Variants in POLR2B observed in about 807,000 individuals in gnomAD.
POLR2B encodes DNA-directed RNA polymerase II subunit RPB2.
POLR2B carries 57 observed loss-of-function variants against 144.6 expected under a neutral mutation model. The ratio of observed to expected loss-of-function variants is 0.39; its 90% CI spans 0.32 to 0.49. The LOEUF (loss-of-function observed/expected upper bound fraction) is 0.49, where lower values mean the gene tolerates loss of function less well. Among genes scored for constraint, POLR2B ranks in the 20% least tolerant of loss-of-function variants. The probability of loss-of-function intolerance (pLI) is 0.83; values close to 1 mark genes in which losing one functional copy is unlikely to be tolerated. For missense variants in POLR2B, 595 were observed against 1,467.4 expected (o/e 0.41, Z 9.71); for synonymous variants, 442 against 469.8 (o/e 0.94, Z 0.77).
intron 1 of POLR2B, among the ~76,000 whole-genome samples, chr4:56,981,316 C>T (rs1316427539): frequency 6.6e-6 from 1 of 151,564 alleles, no homozygotes; most frequent in African/African-American, 2.4e-5. Context: ...TAAGTAGTCT[C>T]TTGATGGATA....
At chr4:57,005,571 T>A in intron 8 of POLR2B, 29 bp from the exon 9 acceptor site, 1 of 1,513,370 alleles carries the variant, frequency 6.6e-7, no homozygotes. Context: ...GTTTTCCCTC[T>A]TTCTTTCTTT....
At position 57,022,393 on chromosome 4, in the gene POLR2B, T is replaced by A. The variant is rs1380071475; in HGVS notation, c.2515+147T>A. The A allele has an allele frequency of 6.5e-6, 4 of 619,864 alleles. 1 individual carries two copies. Among genetic ancestry groups the A allele is most frequent in the South Asian group, 4.0e-5 (2 of 49,988 alleles). 38.4% of individuals were successfully genotyped at this position (619,864 alleles called of 1,614,324 possible). On this transcript the variant is annotated intron_variant, in intron 18 of 24. Transcript: ENST00000314595. ...CAATGAAAGTGTGTTTTCATGTTAT[T>A]CTTAGAGTTCACATCTAAGAAAACA...
intron 3 of POLR2B, among the ~76,000 whole-genome samples, chr4:56,993,652 T>A (rs1722590466): frequency 6.6e-6 from 1 of 152,206 alleles, no homozygotes. Flanking sequence ...ATTGAAAAAT[T>A]TCTTTTTTTT....
chr4:57,001,611 T>C (rs1716618206), intron 7 of POLR2B, among the ~76,000 whole-genome samples: 1 of 152,236 alleles, frequency 6.6e-6, no homozygotes, highest in African/African-American at 2.4e-5. Flanking sequence ...TTAAGTAATA[T>C]TATATGCTTC....
chr4:56,995,521 ATATCG>A, intron 6 of POLR2B, 112 bp downstream of exon 6: 1 of 684,676 alleles, frequency 1.5e-6, no homozygotes, highest in Non-Finnish European at 2.4e-6. Flanking sequence ...TTGTTGTTAT[ATATCG>A]TATTGTTTAC....
rs1404402597 is a variant in POLR2B at position 57,015,632 on chromosome 4, AAGAG to A, written c.1937_1940del (p.Arg646AsnfsTer15). 2.0e-6 allele frequency: 3 copies of A among 1,476,768 alleles called. No individual in the cohort carries two copies. Among genetic ancestry groups the A allele is most frequent in the Non-Finnish European group, 2.7e-6 (3 of 1,100,036 alleles). 91.5% of individuals were successfully genotyped at this position (1,476,768 alleles called of 1,614,324 possible). ...AAGAAGAGGCATATTGACCAATTGA[AAGAG>A]AGAGAATATAACAACTATAGGTAAA... On this transcript the variant is annotated frameshift_variant, in exon 14 of 25. Coordinates refer to ENST00000314595, the MANE Select transcript of POLR2B (RefSeq NM_000938.3). LOFTEE classifies it high-confidence loss of function.
At chr4:56,992,464 CAAAAAAAAAAA>C (rs1209234628) in intron 3 of POLR2B, among the ~76,000 whole-genome samples, 2 of 17,140 alleles carry the variant, frequency 1.2e-4, no homozygotes, top group Non-Finnish European at 1.8e-4. Flanking sequence ...GACTCTGTCT[CAAAAAAAAAAA>C]AAAAAAAAAA....
chr4:57,008,607 A>T (rs912528526), intron 10 of POLR2B, among the ~76,000 whole-genome samples: 4 of 152,204 alleles, frequency 2.6e-5, no homozygotes, highest in African/African-American at 9.6e-5. Context: ...ATGCTTGTAG[A>T]TGTAAACAGA....
Position 57,017,104 on chromosome 4 carries a change from G to A in POLR2B, c.2017G>A (p.Val673Met). ...TATTGATACCCTGGAAGAAGAAACA[G>A]TGATGCTTGCAATGACTCCAGATGA... ...EYIDTLEEET[V>M]MLAMTPDDLQ... is the part of the protein sequence containing the mutation. Residue 673 changes from valine to methionine, a missense_variant, in exon 15 of 25, where the codon GTG becomes ATG. This residue lies in a region of POLR2B where 59 missense variants were observed against 84.2 expected (regional missense o/e 0.70). Transcript: ENST00000314595. The surrounding 1 kb of genome is among the most constrained non-coding windows in gnomAD (Gnocchi z 4.8). 2 of 1,613,124 alleles carry A rather than the reference G, an allele frequency of 1.2e-6. No homozygotes were observed. The highest frequency in any genetic ancestry group is 1.7e-6 in the Non-Finnish European group (2 of 1,179,466).
intron 24 of POLR2B, among the ~76,000 whole-genome samples, 178 bp downstream of exon 24, chr4:57,030,577 G>A (rs1723883998): frequency 6.6e-6 from 1 of 152,216 alleles, no homozygotes; most frequent in Non-Finnish European, 1.5e-5. Context: ...CTAAAAACCA[G>A]TTTAGGTTTT....
At chr4:56,979,414 C>T (rs1410295286) in intron 1 of POLR2B, among the ~76,000 whole-genome samples, 1 of 118,376 alleles carries the variant, frequency 8.4e-6, no homozygotes, top group Non-Finnish European at 1.6e-5. Context: ...GTGGAAGGTC[C>T]TGGAAATATT....
intron 1 of POLR2B, 81 bp from the exon 2 acceptor site, chr4:56,986,273 C>T: frequency 1.2e-6 from 1 of 831,760 alleles, no homozygotes; most frequent in Non-Finnish European, 2.1e-6. Context: ...AAATATGTTT[C>T]TGCTACTTAA....
Position 56,986,356 on chromosome 4 carries a change from A to T in POLR2B, c.22A>T (p.Met8Leu). Residue 8 changes from methionine to leucine, a missense_variant and splice_region_variant, in exon 2 of 25, where the codon ATG (methionine) becomes TTG (leucine). Met to Leu is a conservative substitution (Grantham distance 15, BLOSUM62 2). Around this residue, in one of 9 missense-constraint regions of POLR2B, gnomAD observed 25 missense variants for 26.1 expected, o/e 0.96. Transcript: ENST00000314595. ...GTACAATATTTTTGTTTTTACAGAT[A>T]TGCAATATGATGAGGATGATGATGA... MYDADED[M>L]QYDEDDDEIT... 6.2e-7 allele frequency: 1 copy of T among 1,600,292 alleles called. No homozygotes were observed.
At chr4:57,010,583 G>GTT in intron 11 of POLR2B, 79 bp downstream of exon 11, 1 of 1,458,514 alleles carries the variant, frequency 6.9e-7, no homozygotes, top group Non-Finnish European at 9.3e-7. Context: ...AGAAATAGAT[G>GTT]TTTGAAAAAT....
chr4:57,006,606 CT>C (rs1375987712), intron 9 of POLR2B, among the ~76,000 whole-genome samples: 2 of 152,192 alleles, frequency 1.3e-5, no homozygotes, highest in Non-Finnish European at 2.9e-5. Flanking sequence ...TGCCCCACCT[CT>C]TTGACATTTT....
Position 57,017,296 on chromosome 4 carries a change from T to G in POLR2B, c.2154+55T>G. The stretch of plus-strand genomic sequence containing the variant: ...AGGAATTGGGAGAAGTAATAAAAAT[T>G]GAAAGTAACTCTGTAGTCTTATCTG... On this transcript the variant is annotated intron_variant, in intron 15 of 24. Transcript: ENST00000314595. The surrounding 1 kb of genome is among the most constrained non-coding windows in gnomAD (Gnocchi z 4.8). 2 of 1,282,842 alleles carry G rather than the reference T, an allele frequency of 1.6e-6. No homozygotes were observed. Among genetic ancestry groups the G allele is most frequent in the South Asian group, 1.3e-5 (1 of 78,084 alleles). 79.5% of individuals were successfully genotyped at this position (1,282,842 alleles called of 1,614,324 possible).
rs1723407038 is a variant in POLR2B, at chr4:57,017,465, T to A, written c.2155-95T>A. The stretch of plus-strand genomic sequence containing the variant: ...TACTGTTTTTGAAAAAAATCAGGAG[T>A]TTTACCAATCATATTTCTTTTGATT... On this transcript the variant is annotated intron_variant, in intron 15 of 24. Coordinates refer to ENST00000314595, the MANE Select transcript of POLR2B (RefSeq NM_000938.3). The surrounding 1 kb of genome is among the most constrained non-coding windows in gnomAD (Gnocchi z 4.8). The A allele has an allele frequency of 1.2e-5, 13 of 1,094,796 alleles. No homozygotes were observed. Among genetic ancestry groups the A allele is most frequent in the Non-Finnish European group, 1.7e-5 (13 of 768,334 alleles). The allele number at this position is 1,094,796 out of a possible 1,614,324, so 67.8% of individuals were successfully genotyped here.
chr4:57,003,863 AAAG>A (rs1397719088), intron 7 of POLR2B, among the ~76,000 whole-genome samples: 47 of 151,856 alleles, frequency 3.1e-4, no homozygotes, highest in Admixed American at 8.5e-4. Flanking sequence ...AAAAAAAGAA[AAAG>A]AAGAAGAAGA....
chr4:57,023,633 TTAAC>T lies in POLR2B; in HGVS notation c.2767-23_2767-20del, dbSNP rs771915852. ...GTTTTAGAAAGTAAACCAAATCCAC[TTAAC>T]TAACTTATTTTTATATGAATTTAGG... On this transcript the variant is annotated intron_variant, in intron 19 of 24. Transcript: ENST00000314595. This position sits in a 1 kb window ranked among gnomAD's most constrained non-coding sequence, Gnocchi z 4.3. The T allele has an allele frequency of 2.1e-5, 34 of 1,610,484 alleles. No individual in the cohort carries two copies. The highest frequency in any genetic ancestry group is 1.4e-4 in the South Asian group (13 of 90,748).
Sources: allele counts gnomAD v4.1 joint callset (sites outside exome capture counted in the v4.1 genomes callset), GRCh38; gene constraint gnomAD v4.1.1; regional missense constraint gnomAD v4.1.1; non-coding constraint Gnocchi (gnomAD v3.1); transcripts MANE v1.5; gene names NCBI Gene and HGNC (gene_info 2026-07-23, HGNC 2026-07-21).